ABTB3: variants seen among roughly 807,000 people sequenced by gnomAD.
ABTB3 encodes the protein ankyrin repeat- and BTB/POZ domain-containing protein 3.
At chr12:107,394,326 T>C in the ABTB3 span, among the ~76,000 whole-genome samples, 4 of 152,316 alleles carry the variant, frequency 2.6e-5, no homozygotes, top group Admixed American at 2.0e-4. Context: ...TATAGAGACA[T>C]GGCTTTTTCA....
chr12:107,424,980 T>TC, the ABTB3 span, among the ~76,000 whole-genome samples: 1 of 152,304 alleles, frequency 6.6e-6, no homozygotes, highest in African/African-American at 2.4e-5. Flanking sequence ...CTAACTGGTC[T>TC]CCCCACTCCA....
At chr12:107,383,426 C>T in the ABTB3 span, among the ~76,000 whole-genome samples, 2 of 152,218 alleles carry the variant, frequency 1.3e-5, no homozygotes, top group Non-Finnish European at 2.9e-5. Flanking sequence ...CACTCCTTGC[C>T]AGCCAGGTGA....
At chr12:107,499,690 CT>C in the ABTB3 span, among the ~76,000 whole-genome samples, 176 of 143,266 alleles carry the variant, frequency 1.2e-3, no homozygotes, top group Non-Finnish European at 1.3e-3. Flanking sequence ...TTTTTCTTTT[CT>C]TTTTTTTTTT....
At chr12:107,373,504 G>C in the ABTB3 span, among the ~76,000 whole-genome samples, 1 of 152,132 alleles carries the variant, frequency 6.6e-6, no homozygotes, top group Non-Finnish European at 1.5e-5. Flanking sequence ...GTGAGGTTTA[G>C]AGATGATATC....
the ABTB3 span, among the ~76,000 whole-genome samples, chr12:107,634,269 A>AAATAAAAAAAATAAAT: frequency 6.6e-6 from 1 of 152,224 alleles, no homozygotes; most frequent in Admixed American, 6.5e-5. Context: ...TTAAAATTCA[A>AAATAAAAAAAATAAAT]AAGAATATTT....
At chr12:107,408,995 A>C in the ABTB3 span, among the ~76,000 whole-genome samples, 1 of 152,230 alleles carries the variant, frequency 6.6e-6, no homozygotes, top group Non-Finnish European at 1.5e-5. Flanking sequence ...ATGACTAGGG[A>C]AACTGTGGGT....
At chr12:107,478,222 A>T in the ABTB3 span, among the ~76,000 whole-genome samples, 1 of 152,206 alleles carries the variant, frequency 6.6e-6, no homozygotes, top group Non-Finnish European at 1.5e-5. Context: ...GGCTGAAACT[A>T]TATGCAGTTA....
At chr12:107,651,111 C>T in the ABTB3 span, among the ~76,000 whole-genome samples, 104 of 151,916 alleles carry the variant, frequency 6.8e-4, 2 homozygotes, top group East Asian at 0.015. Flanking sequence ...TCGAGCATCT[C>T]CGAGGCCGGC....
chr12:107,510,486 G>C, the ABTB3 span, among the ~76,000 whole-genome samples: 1 of 152,066 alleles, frequency 6.6e-6, no homozygotes, highest in Non-Finnish European at 1.5e-5. Context: ...TCTAATGCTG[G>C]AGATAGACAA....
At chr12:107,623,479 G>C in the ABTB3 span, among the ~76,000 whole-genome samples, 1 of 145,292 alleles carries the variant, frequency 6.9e-6, no homozygotes, top group African/African-American at 2.6e-5. Flanking sequence ...CGATTCTCAT[G>C]TCTCAGCCTC....
the ABTB3 span, among the ~76,000 whole-genome samples, chr12:107,405,253 C>T: frequency 2.6e-5 from 4 of 152,180 alleles, no homozygotes; most frequent in Non-Finnish European, 5.9e-5. Flanking sequence ...AGGGCATAAA[C>T]TGCACAACCA....
the ABTB3 span, among the ~76,000 whole-genome samples, chr12:107,353,460 T>C: frequency 6.6e-6 from 1 of 152,174 alleles, no homozygotes; most frequent in Non-Finnish European, 1.5e-5. Flanking sequence ...AATTCTGGCT[T>C]TGAAAACATT....
At chr12:107,635,197 T>A in the ABTB3 span, 1 of 1,165,494 alleles carries the variant, frequency 8.6e-7, no homozygotes, top group Admixed American at 2.0e-5. Flanking sequence ...TGAGCTCTTA[T>A]CACCTGGAGG....
the ABTB3 span, among the ~76,000 whole-genome samples, chr12:107,355,686 C>G: frequency 2.0e-5 from 3 of 152,112 alleles, no homozygotes; most frequent in African/African-American, 7.2e-5. Context: ...ACCCATGAAA[C>G]AGACATAATA....
At chr12:107,627,960 G>T in the ABTB3 span, among the ~76,000 whole-genome samples, 6 of 152,210 alleles carry the variant, frequency 3.9e-5, no homozygotes, top group African/African-American at 1.4e-4. Context: ...CAAAGTAGAT[G>T]TGCGACTGCA....
the ABTB3 span, among the ~76,000 whole-genome samples, chr12:107,527,411 A>G: frequency 1.3e-5 from 2 of 152,164 alleles, no homozygotes. Context: ...AGCTGGGACT[A>G]CAGGCATACA....
At chr12:107,564,176 G>T in the ABTB3 span, among the ~76,000 whole-genome samples, 1 of 148,160 alleles carries the variant, frequency 6.7e-6, no homozygotes, top group African/African-American at 2.5e-5. Flanking sequence ...AGACTCTTAG[G>T]GTTGGGAGGG....
chr12:107,438,807 A>C, the ABTB3 span, among the ~76,000 whole-genome samples: 3 of 152,216 alleles, frequency 2.0e-5, no homozygotes, highest in Admixed American at 1.3e-4. Flanking sequence ...GATGGAAAAA[A>C]AAATTCTAGT....
the ABTB3 span, among the ~76,000 whole-genome samples, chr12:107,450,770 C>G: frequency 6.6e-6 from 1 of 152,216 alleles, no homozygotes; most frequent in East Asian, 1.9e-4. Context: ...CAACTTCAGC[C>G]CCTGCTTTGG....
Sources: allele counts gnomAD v4.1 joint callset (sites outside exome capture counted in the v4.1 genomes callset), GRCh38; gene constraint gnomAD v4.1.1; transcripts MANE v1.5; gene names NCBI Gene and HGNC (gene_info 2026-07-23, HGNC 2026-07-21).